The following ADGRL3 variants were observed in gnomAD, a reference collection of about 807,000 sequenced individuals.
ADGRL3 encodes the protein calcium-independent alpha-latrotoxin receptor 3.
ADGRL3 carries 62 observed loss-of-function variants against 153.5 expected under a neutral mutation model. The ratio of observed to expected loss-of-function variants is 0.40; its 90% CI spans 0.33 to 0.50. The LOEUF is 0.50. ADGRL3 is among the 20% of genes least tolerant of loss of function. The pLI, the probability that ADGRL3 is intolerant of heterozygous loss-of-function variation, is 0.47. For missense variants in ADGRL3, 1,641 were observed against 1,859.4 expected (o/e 0.88, Z 2.16); for synonymous variants, 710 against 672.5 (o/e 1.06, Z -0.86).
In ADGRL3 at chr4:61,876,736, AAAAAT is replaced by A. The variant is rs561235946; in HGVS notation, c.1481-15899_1481-15895del. ...ACCCTAAAACTTAAAGTATAATAAA[AAAAAT>A]AAAATAAAATAAAATAAAATGGGGA... is the stretch of plus-strand genomic sequence containing the variant. On this transcript the variant is annotated intron_variant, in intron 9 of 26. Transcript: ENST00000683033. Among the ~76,000 whole-genome samples the A allele has an allele frequency of 2.5e-3, 378 of 151,742 alleles. 1 individual carries two copies. Among genetic ancestry groups the A allele is most frequent in the Non-Finnish European group, 4.3e-3 (291 of 67,938 alleles).
rs370822292 is a variant in ADGRL3 at position 61,647,578 on chromosome 4, T to G, written c.474-29248T>G. Among the ~76,000 whole-genome samples the G allele has an allele frequency of 8.7e-4, 132 of 152,228 alleles. 2 individuals are homozygous for G. Among genetic ancestry groups the G allele is most frequent in the African/African-American group, 3.1e-3 (129 of 41,544 alleles). ...TTTCCTGGTAGGCGTGCCATTCAGA[T>G]TTTTAGAGGATTATGAGAACATCAT... On this transcript the variant is annotated intron_variant, in intron 5 of 26. Coordinates refer to ENST00000683033, the MANE Select transcript of ADGRL3 (RefSeq NM_001387552.1).
chr4:61,958,421 C>G (rs2098976086), intron 17 of ADGRL3, among the ~76,000 whole-genome samples: 1 of 147,890 alleles, frequency 6.8e-6, no homozygotes, highest in Non-Finnish European at 1.5e-5. Flanking sequence ...TTCTTTCTTT[C>G]TTTATTAGAA....
chr4:61,839,264 C>G (rs1398553367), intron 9 of ADGRL3, among the ~76,000 whole-genome samples: 1 of 152,100 alleles, frequency 6.6e-6, no homozygotes, highest in Non-Finnish European at 1.5e-5. Flanking sequence ...TGTCACAGCT[C>G]ACTGCAGCCT....
At chr4:61,396,058 T>C (rs1050345156) in intron 2 of ADGRL3, among the ~76,000 whole-genome samples, 21 of 152,086 alleles carry the variant, frequency 1.4e-4, no homozygotes, top group African/African-American at 4.8e-4. Context: ...CATATTCAAA[T>C]TGCGTTTACT....
chr4:62,000,642 CAT>C (rs1396474830), intron 21 of ADGRL3, among the ~76,000 whole-genome samples: 2 of 152,032 alleles, frequency 1.3e-5, no homozygotes, highest in African/African-American at 2.4e-5. Flanking sequence ...ATAATAATGA[CAT>C]ATACCTGACC....
At chr4:61,874,975 A>AT (rs1328470676) in intron 9 of ADGRL3, among the ~76,000 whole-genome samples, 6 of 150,414 alleles carry the variant, frequency 4.0e-5, no homozygotes, top group Non-Finnish European at 8.9e-5. Flanking sequence ...CGCCCGGCTA[A>AT]TTTTTTGTAT....
At chr4:61,283,245 A>C (rs1166775479) in intron 1 of ADGRL3, among the ~76,000 whole-genome samples, 1 of 152,026 alleles carries the variant, frequency 6.6e-6, no homozygotes, top group East Asian at 1.9e-4. Flanking sequence ...CTTTGTGTTC[A>C]TATTTTCTCT....
At chr4:61,825,094 C>A (rs1196770513) in intron 9 of ADGRL3, among the ~76,000 whole-genome samples, 1 of 152,152 alleles carries the variant, frequency 6.6e-6, no homozygotes, top group Non-Finnish European at 1.5e-5. Context: ...CTGGGTCCAG[C>A]AATTATTTCC....
At chr4:61,661,720 T>C (rs2094599301) in intron 5 of ADGRL3, among the ~76,000 whole-genome samples, 1 of 152,134 alleles carries the variant, frequency 6.6e-6, no homozygotes, top group Non-Finnish European at 1.5e-5. Context: ...TTTCAGAACA[T>C]TGCATTAGGC....
chr4:62,003,885 A>G (rs1327885361), intron 21 of ADGRL3, among the ~76,000 whole-genome samples: 7 of 152,122 alleles, frequency 4.6e-5, no homozygotes, highest in Admixed American at 4.6e-4. Flanking sequence ...TCTGGAGGAA[A>G]AGAATAGTAT....
chr4:61,598,504 C>T (rs1341867518), intron 5 of ADGRL3, among the ~76,000 whole-genome samples: 1 of 152,118 alleles, frequency 6.6e-6, no homozygotes, highest in African/African-American at 2.4e-5. Flanking sequence ...CCCTACATTC[C>T]TTTAATCTGT....
At chr4:62,069,663 T>C (rs1344449297) in intron 26 of ADGRL3, among the ~76,000 whole-genome samples, 1 of 152,138 alleles carries the variant, frequency 6.6e-6, no homozygotes, top group Non-Finnish European at 1.5e-5. Flanking sequence ...GTTAATATTA[T>C]ACCTATTTTG....
chr4:61,648,839 G>T (rs2094141622), intron 5 of ADGRL3, among the ~76,000 whole-genome samples: 1 of 152,002 alleles, frequency 6.6e-6, no homozygotes, highest in South Asian at 2.1e-4. Flanking sequence ...TATTGATGAA[G>T]AAATTGAGGC....
chr4:61,541,839 GTA>G (rs1491230525), intron 4 of ADGRL3, among the ~76,000 whole-genome samples: 3 of 74,510 alleles, frequency 4.0e-5, no homozygotes, highest in African/African-American at 9.3e-5. Flanking sequence ...ATGTGTGTGT[GTA>G]TACACACACA....
At chr4:61,997,102 T>G (rs1025836998) in intron 20 of ADGRL3, among the ~76,000 whole-genome samples, 2 of 152,090 alleles carry the variant, frequency 1.3e-5, no homozygotes, top group African/African-American at 4.8e-5. Flanking sequence ...TTTTTCAGAC[T>G]TTGGAAAGAT....
chr4:61,937,040 G>A lies in ADGRL3; in HGVS notation c.2419+995G>A, dbSNP rs537919444. ...AAGACTAAACTTAGAAATCATTTTT[G>A]TGTTACTCATTTGACTAAGAAAATT... On this transcript the variant is annotated intron_variant, in intron 15 of 26. Transcript: ENST00000683033. Among the ~76,000 whole-genome samples the A allele has an allele frequency of 3.3e-5, 5 of 152,212 alleles. No individual in the cohort carries two copies. In the East Asian group the frequency reaches 7.7e-4, roughly 23 times the overall value.
intron 8 of ADGRL3, among the ~76,000 whole-genome samples, chr4:61,770,146 C>G (rs2097065987): frequency 6.6e-6 from 1 of 152,130 alleles, no homozygotes; most frequent in Admixed American, 6.5e-5. Context: ...TGGTTTATCT[C>G]CACTTTACAT....
intron 17 of ADGRL3, among the ~76,000 whole-genome samples, chr4:61,957,080 A>G (rs1409309082): frequency 1.3e-5 from 2 of 152,080 alleles, no homozygotes; most frequent in South Asian, 4.1e-4. Context: ...AAGAAAGTCA[A>G]TGGCAGTTTG....
intron 5 of ADGRL3, among the ~76,000 whole-genome samples, chr4:61,641,311 G>C (rs575140202): frequency 1.3e-5 from 2 of 149,470 alleles, no homozygotes; most frequent in African/African-American, 4.9e-5. Flanking sequence ...TATTATTATT[G>C]TACTTTAAGT....
Sources: allele counts gnomAD v4.1 joint callset (sites outside exome capture counted in the v4.1 genomes callset), GRCh38; gene constraint gnomAD v4.1.1; transcripts MANE v1.5; gene names NCBI Gene and HGNC (gene_info 2026-07-23, HGNC 2026-07-21).